RORA: variants seen among roughly 807,000 people sequenced by gnomAD.
RORA encodes RAR related orphan receptor A.
In RORA, 7 loss-of-function variants were observed where a neutral mutation model predicts 69.5. The observed-to-expected ratio is 0.10, with a 90% confidence interval of 0.06 to 0.19. RORA has a LOEUF of 0.19. Ranked by LOEUF, RORA falls within the 10% of genes least tolerant of loss-of-function variation. RORA has a pLI of 1.00. For missense variants in RORA, 457 were observed against 663.0 expected, an observed-to-expected ratio of 0.69 and a Z score of 3.41; for synonymous variants, 261 against 240.8, an observed-to-expected ratio of 1.08 and a Z score of -0.78.
chr15:61,047,228 AGC>A (rs1186130456), intron 1 of RORA, among the ~76,000 whole-genome samples: 2 of 152,368 alleles, frequency 1.3e-5, no homozygotes, highest in East Asian at 3.9e-4. Context: ...GATTTGCACT[AGC>A]TCTCTTCAGG....
At chr15:60,575,616 A>G (rs559250119) in intron 2 of RORA, among the ~76,000 whole-genome samples, 1 of 152,364 alleles carries the variant, frequency 6.6e-6, no homozygotes, top group African/African-American at 2.4e-5. Flanking sequence ...AGAAACAGAC[A>G]CAAATGATAA....
At chr15:60,592,349 G>C in intron 2 of RORA, 2 of 1,365,060 alleles carry the variant, frequency 1.5e-6, no homozygotes, top group East Asian at 3.2e-5. Flanking sequence ...CCCCGGAGCC[G>C]CCAGCCCACC....
At chr15:61,159,798 A>G (rs567488262) in intron 1 of RORA, among the ~76,000 whole-genome samples, 27 of 152,308 alleles carry the variant, frequency 1.8e-4, no homozygotes, top group African/African-American at 6.5e-4. Flanking sequence ...AGCTATTACC[A>G]AATTCATTTT....
intron 1 of RORA, among the ~76,000 whole-genome samples, chr15:61,197,058 G>A (rs372239287): frequency 1.3e-5 from 2 of 152,198 alleles, no homozygotes; most frequent in South Asian, 2.1e-4. Flanking sequence ...GGGGAAAGCC[G>A]ATGAGGGAGC....
intron 2 of RORA, among the ~76,000 whole-genome samples, chr15:60,556,521 A>T (rs946601013): frequency 2.0e-5 from 3 of 152,214 alleles, no homozygotes; most frequent in Non-Finnish European, 4.4e-5. Context: ...TAAATATTTT[A>T]GGGAAGTGTT....
intron 1 of RORA, among the ~76,000 whole-genome samples, chr15:61,048,152 A>G (rs189388917): frequency 6.6e-6 from 1 of 152,330 alleles, no homozygotes; most frequent in East Asian, 1.9e-4. Context: ...TCTTCCCTTT[A>G]AATTCTATTT....
At chr15:61,053,848 G>GATATATATATATATATATATATAT (rs3053963) in intron 1 of RORA, among the ~76,000 whole-genome samples, 1,247 of 90,802 alleles carry the variant, frequency 0.014, 148 homozygotes, top group East Asian at 0.061. Context: ...TAGACTTCAT[G>GATATATATATATATATATATATAT]ATATATATAT....
chr15:61,086,772 G>A (rs1488212452), intron 1 of RORA, among the ~76,000 whole-genome samples: 1 of 151,570 alleles, frequency 6.6e-6, no homozygotes, highest in East Asian at 1.9e-4. Context: ...ATGGCCCACT[G>A]CCTATTTTTT....
chr15:61,151,628 T>C (rs1388175105), intron 1 of RORA, among the ~76,000 whole-genome samples: 1 of 152,204 alleles, frequency 6.6e-6, no homozygotes, highest in African/African-American at 2.4e-5. Context: ...ACTGCACACC[T>C]CTGATTTTGC....
At chr15:60,716,502 G>A (rs960149500) in intron 1 of RORA, among the ~76,000 whole-genome samples, 2 of 152,278 alleles carry the variant, frequency 1.3e-5, no homozygotes, top group Non-Finnish European at 2.9e-5. Flanking sequence ...GTAATATGGA[G>A]CTAAGATACT....
chr15:60,948,945 A>G (rs2140331837), intron 1 of RORA, among the ~76,000 whole-genome samples: 1 of 152,338 alleles, frequency 6.6e-6, no homozygotes, highest in East Asian at 1.9e-4. Context: ...CCAGAGCAGG[A>G]GAGATATAAG....
At chr15:60,701,815 G>A (rs1259688261) in intron 1 of RORA, among the ~76,000 whole-genome samples, 2 of 152,200 alleles carry the variant, frequency 1.3e-5, no homozygotes, top group Non-Finnish European at 2.9e-5. Context: ...AGAGTGATGA[G>A]GCAGTGTTTT....
At chr15:60,748,607 G>A (rs1305303898) in intron 1 of RORA, among the ~76,000 whole-genome samples, 2 of 152,166 alleles carry the variant, frequency 1.3e-5, no homozygotes. Context: ...GACCAACACA[G>A]CTCCTGGTTC....
intron 2 of RORA, among the ~76,000 whole-genome samples, chr15:60,577,594 A>G (rs2068062916): frequency 6.7e-6 from 1 of 149,442 alleles, no homozygotes; most frequent in Non-Finnish European, 1.5e-5. Flanking sequence ...CAGCAAGCCG[A>G]GATCGCGCCA....
At chr15:60,783,237 T>A (rs2072288743) in intron 1 of RORA, among the ~76,000 whole-genome samples, 2 of 152,360 alleles carry the variant, frequency 1.3e-5, no homozygotes, top group African/African-American at 4.8e-5. Context: ...TTTTTATCTT[T>A]TTTTTAATAT....
At chr15:61,032,588 G>A (rs1377270437) in intron 1 of RORA, among the ~76,000 whole-genome samples, 1 of 152,144 alleles carries the variant, frequency 6.6e-6, no homozygotes, top group African/African-American at 2.4e-5. Context: ...TGGACCAAGG[G>A]TGGATATTAG....
chr15:60,614,945 A>T (rs371807088), intron 2 of RORA: 1 of 1,614,038 alleles, frequency 6.2e-7, no homozygotes, highest in Non-Finnish European at 8.5e-7. Flanking sequence ...AAATTAATAA[A>T]GTTCTTGGCT....
At chr15:60,802,251 G>T (rs953874525) in intron 1 of RORA, among the ~76,000 whole-genome samples, 5 of 152,192 alleles carry the variant, frequency 3.3e-5, no homozygotes, top group African/African-American at 1.2e-4. Flanking sequence ...TTCCTCATCT[G>T]CGTATGTGAA....
intron 1 of RORA, among the ~76,000 whole-genome samples, chr15:60,965,104 G>A (rs1893516935): frequency 6.6e-6 from 1 of 152,108 alleles, no homozygotes; most frequent in South Asian, 2.1e-4. Context: ...ATAACTATAG[G>A]ATGAAGTTAT....
Sources: gnomAD v4.1 joint callset for allele counts (sites outside exome capture counted in the v4.1 genomes callset) on GRCh38, gnomAD v4.1.1 for gene constraint, MANE v1.5 for transcripts, NCBI Gene and HGNC (gene_info 2026-07-23, HGNC 2026-07-21) for gene names.